Variants in IKBKB-DT observed in about 807,000 individuals in gnomAD.
The protein encoded by IKBKB-DT is IKBKB divergent transcript.
intron 1 of IKBKB-DT, among the ~76,000 whole-genome samples, chr8:42,269,367 AG>A (rs1563280628): frequency 7.0e-6 from 1 of 142,420 alleles, no homozygotes. Context: ...AAAGGAAGAA[AG>A]GAAAGGAAAG....
At chr8:42,239,374 TCAG>T (rs1806968822) in intron 3 of IKBKB-DT, among the ~76,000 whole-genome samples, 1 of 151,596 alleles carries the variant, frequency 6.6e-6, no homozygotes, top group Non-Finnish European at 1.5e-5. Flanking sequence ...CTGCCATTCC[TCAG>T]GTGGCCTGGC....
chr8:42,262,687 C>T (rs1295953546), intron 3 of IKBKB-DT, among the ~76,000 whole-genome samples: 4 of 152,080 alleles, frequency 2.6e-5, no homozygotes, highest in African/African-American at 9.7e-5. Flanking sequence ...GATCCGCCCG[C>T]CTCGGCCTCC....
intron 3 of IKBKB-DT, among the ~76,000 whole-genome samples, chr8:42,245,960 G>A (rs1030514009): frequency 1.8e-4 from 27 of 152,312 alleles, no homozygotes; most frequent in African/African-American, 6.5e-4. Context: ...ATTAAGAAGT[G>A]ATACATCAAT....
intron 3 of IKBKB-DT, among the ~76,000 whole-genome samples, chr8:42,235,145 TTC>T: frequency 7.6e-6 from 1 of 131,038 alleles, no homozygotes; most frequent in Non-Finnish European, 1.6e-5. Flanking sequence ...TCAATTTTTT[TTC>T]TTTTTTTTTT....
In IKBKB-DT at chr8:42,263,145, G is replaced by A. The variant is rs141939416; in HGVS notation, n.1529+184C>T. On this transcript the variant is annotated intron_variant and non_coding_transcript_variant, in intron 3 of 3. Transcript: ENST00000518213. ...ACCTACCTTGTCCTCCCAAAGTGCT[G>A]GGATTACAGGTGTGAGTCACTATGC... 6.0e-3 allele frequency among the ~76,000 whole-genome samples: 910 copies of A among 152,194 alleles called. 8 individuals are homozygous for A. Among genetic ancestry groups the A allele is most frequent in the Admixed American group, 0.013 (197 of 15,274 alleles).
intron 1 of IKBKB-DT, among the ~76,000 whole-genome samples, chr8:42,270,185 T>C (rs1040051405): frequency 4.6e-5 from 7 of 152,114 alleles, no homozygotes; most frequent in East Asian, 1.9e-4. Flanking sequence ...GTAGCAGCCA[T>C]GTACCTTGGA....
intron 3 of IKBKB-DT, chr8:42,255,198 G>T (rs1233292222): frequency 1.3e-5 from 2 of 152,270 alleles, no homozygotes; most frequent in South Asian, 2.1e-4. Context: ...CCTCTGCCTG[G>T]CCACTGTACA....
chr8:42,248,319 C>T (rs895506460), intron 3 of IKBKB-DT, among the ~76,000 whole-genome samples: 1 of 152,054 alleles, frequency 6.6e-6, no homozygotes, highest in African/African-American at 2.4e-5. Flanking sequence ...CCTAACAGGC[C>T]ACAGACCGGG....
At chr8:42,241,025 G>C (rs1045654169) in intron 3 of IKBKB-DT, among the ~76,000 whole-genome samples, 21 of 151,944 alleles carry the variant, frequency 1.4e-4, no homozygotes, top group African/African-American at 4.8e-4. Context: ...ATTTTTTCTT[G>C]TTCCAATTCA....
intron 3 of IKBKB-DT, among the ~76,000 whole-genome samples, chr8:42,243,353 T>C (rs924295237): frequency 6.6e-6 from 1 of 152,162 alleles, no homozygotes; most frequent in African/African-American, 2.4e-5. Flanking sequence ...TAATAGACTA[T>C]TATTGCATTT....
chr8:42,235,360 A>T (rs1806905994), intron 3 of IKBKB-DT, among the ~76,000 whole-genome samples: 1 of 151,680 alleles, frequency 6.6e-6, no homozygotes, highest in South Asian at 2.1e-4. Context: ...GTACACCACC[A>T]CGCCCAGCTA....
intron 3 of IKBKB-DT, among the ~76,000 whole-genome samples, chr8:42,244,903 A>G (rs1414449523): frequency 2.0e-5 from 3 of 152,216 alleles, no homozygotes; most frequent in Non-Finnish European, 4.4e-5. Flanking sequence ...GTCTGAGAGC[A>G]TGTAGTTGCC....
chr8:42,259,452 T>C (rs1411917687), intron 3 of IKBKB-DT, among the ~76,000 whole-genome samples: 3 of 152,236 alleles, frequency 2.0e-5, no homozygotes, highest in Non-Finnish European at 4.4e-5. Flanking sequence ...CATGTTTTAT[T>C]ATATTTGGAA....
intron 1 of IKBKB-DT, among the ~76,000 whole-genome samples, chr8:42,269,467 A>AAGGGGGGGGGGGG (rs1358709158): frequency 3.0e-5 from 1 of 33,022 alleles, no homozygotes; most frequent in Non-Finnish European, 5.9e-5. Context: ...AGGGGAGGGG[A>AAGGGGGGGGGGGG]GGGGAGGAAA....
chr8:42,257,860 T>A (rs1321960534), intron 3 of IKBKB-DT, among the ~76,000 whole-genome samples: 2 of 152,030 alleles, frequency 1.3e-5, no homozygotes, highest in South Asian at 4.2e-4. Context: ...CTGTAAAACA[T>A]TACTCAGTTA....
intron 3 of IKBKB-DT, among the ~76,000 whole-genome samples, chr8:42,257,487 G>A (rs1348116055): frequency 2.0e-5 from 3 of 146,934 alleles, no homozygotes; most frequent in African/African-American, 7.4e-5. Flanking sequence ...GCAACAGAGC[G>A]AGACTCCATC....
intron 3 of IKBKB-DT, among the ~76,000 whole-genome samples, chr8:42,241,988 C>T (rs545269424): frequency 1.3e-5 from 2 of 152,050 alleles, no homozygotes; most frequent in Non-Finnish European, 2.9e-5. Context: ...CCGAAGCGGG[C>T]GGATCACCTT....
chr8:42,266,090 C>G (rs995254576), exon 2 of IKBKB-DT: 1 of 152,290 alleles, frequency 6.6e-6, no homozygotes, highest in African/African-American at 2.4e-5. Context: ...ACTTTCTAAA[C>G]TAGTTTCTCC....
intron 1 of IKBKB-DT, among the ~76,000 whole-genome samples, chr8:42,269,355 G>A (rs1807438419): frequency 7.3e-6 from 1 of 136,952 alleles, no homozygotes; most frequent in African/African-American, 2.7e-5. Flanking sequence ...GAAAAGGAAA[G>A]GAAAGGAAGA....
Sources: gnomAD v4.1 joint callset for allele counts (sites outside exome capture counted in the v4.1 genomes callset) on GRCh38, gnomAD v4.1.1 for gene constraint, MANE v1.5 for transcripts, NCBI Gene and HGNC (gene_info 2026-07-23, HGNC 2026-07-21) for gene names.